MAGI2: variants seen among roughly 807,000 people sequenced by gnomAD.
The protein encoded by MAGI2 is membrane associated guanylate kinase, WW and PDZ domain containing 2.
Under a neutral mutation model 133.3 loss-of-function variants are expected in MAGI2, and 35 were observed. The observed-to-expected ratio is 0.26, with a 90% confidence interval of 0.20 to 0.35. MAGI2 has a LOEUF of 0.35. Ranked by LOEUF, MAGI2 falls within the 10% of genes least tolerant of loss-of-function variation. The pLI, the probability that MAGI2 is intolerant of heterozygous loss-of-function variation, is 1.00. For missense variants in MAGI2, 1,636 were observed against 1,863.4 expected (o/e 0.88, Z 2.25); for synonymous variants, 729 against 710.6 (o/e 1.03, Z -0.41).
chr7:79,010,290 T>C (rs769520089), intron 1 of MAGI2, among the ~76,000 whole-genome samples: 1 of 152,020 alleles, frequency 6.6e-6, no homozygotes, highest in African/African-American at 2.4e-5. Context: ...ATATATAATG[T>C]ATACACATAC....
At chr7:78,324,421 C>T (rs1204293648) in intron 9 of MAGI2, among the ~76,000 whole-genome samples, 3 of 152,166 alleles carry the variant, frequency 2.0e-5, no homozygotes, top group Admixed American at 6.5e-5. Flanking sequence ...GTAGTCAAGA[C>T]AGGTTTGGAT....
At chr7:79,143,131 G>A (rs181106955) in intron 1 of MAGI2, among the ~76,000 whole-genome samples, 16 of 152,214 alleles carry the variant, frequency 1.1e-4, no homozygotes, top group Non-Finnish European at 2.1e-4. Flanking sequence ...AATGTTTGTG[G>A]TAAGTTGTGT....
chr7:79,303,877 T>C (rs1248945798), intron 1 of MAGI2, among the ~76,000 whole-genome samples: 7 of 152,190 alleles, frequency 4.6e-5, no homozygotes, highest in African/African-American at 1.7e-4. Flanking sequence ...ACGTGGTTAA[T>C]GTGTTGCTAG....
chr7:78,834,563 C>T (rs551331212), intron 2 of MAGI2, among the ~76,000 whole-genome samples: 1 of 152,012 alleles, frequency 6.6e-6, no homozygotes, highest in Non-Finnish European at 1.5e-5. Flanking sequence ...TATAAATATA[C>T]CATATTGTAT....
At chr7:79,082,961 G>A (rs186757033) in intron 1 of MAGI2, among the ~76,000 whole-genome samples, 2 of 151,424 alleles carry the variant, frequency 1.3e-5, no homozygotes, top group Non-Finnish European at 3.0e-5. Flanking sequence ...AAATAAAATT[G>A]TTTTAATTTG....
intron 1 of MAGI2, among the ~76,000 whole-genome samples, chr7:79,403,609 TA>T (rs1257660444): frequency 6.6e-6 from 1 of 152,096 alleles, no homozygotes; most frequent in Non-Finnish European, 1.5e-5. Flanking sequence ...TTGTTTCAAA[TA>T]AACATTTTGA....
intron 21 of MAGI2, among the ~76,000 whole-genome samples, chr7:78,033,582 C>T (rs1809846501): frequency 6.6e-6 from 1 of 152,038 alleles, no homozygotes; most frequent in Non-Finnish European, 1.5e-5. Context: ...CTTCAGGGAA[C>T]TCATGGTACT....
chr7:78,236,173 G>A (rs1231127055), intron 10 of MAGI2, among the ~76,000 whole-genome samples: 1 of 151,762 alleles, frequency 6.6e-6, no homozygotes, highest in Non-Finnish European at 1.5e-5. Flanking sequence ...AACTTATCTT[G>A]TTAACTGGAT....
intron 2 of MAGI2, among the ~76,000 whole-genome samples, chr7:78,913,345 G>A (rs1798556688): frequency 6.6e-6 from 1 of 152,074 alleles, no homozygotes; most frequent in African/African-American, 2.4e-5. Flanking sequence ...CTGTTTAAAA[G>A]TGTGTTGCAC....
rs557869739 is a variant in MAGI2 at position 78,053,643 on chromosome 7, G to A, written c.3706+25304C>T. Among the ~76,000 whole-genome samples, 3 of 152,292 alleles carry A rather than the reference G, an allele frequency of 2.0e-5. No homozygotes were observed. In the South Asian group the frequency reaches 6.2e-4, roughly 32 times the overall value. ...CTGAGGTCTCTGGCAGGACCAGATG[G>A]TTTCTGGCTGTCTTTTCCCATTCTC... On this transcript the variant is annotated intron_variant, in intron 21 of 21. Transcript: ENST00000354212.
At chr7:78,590,105 C>G (rs1348003684) in intron 3 of MAGI2, among the ~76,000 whole-genome samples, 1 of 152,160 alleles carries the variant, frequency 6.6e-6, no homozygotes, top group Non-Finnish European at 1.5e-5. Context: ...ATTTTTCTTT[C>G]TTAGGGAGAG....
chr7:78,102,913 T>C (rs1818328163), intron 20 of MAGI2, among the ~76,000 whole-genome samples: 1 of 152,186 alleles, frequency 6.6e-6, no homozygotes, highest in Non-Finnish European at 1.5e-5. Context: ...CCTGCTTCCA[T>C]ACCTACCCGG....
intron 9 of MAGI2, among the ~76,000 whole-genome samples, chr7:78,343,256 T>C (rs932975514): frequency 6.6e-6 from 1 of 152,190 alleles, no homozygotes; most frequent in Non-Finnish European, 1.5e-5. Flanking sequence ...ATCTGAGTAA[T>C]TATATATGAA....
chr7:78,989,793 A>T (rs1440768750), intron 2 of MAGI2, among the ~76,000 whole-genome samples: 1 of 151,930 alleles, frequency 6.6e-6, no homozygotes, highest in Non-Finnish European at 1.5e-5. Flanking sequence ...CAGCCTACCC[A>T]CTATCCTTAG....
chr7:79,440,535 G>C (rs1848430572), intron 1 of MAGI2, among the ~76,000 whole-genome samples: 1 of 151,870 alleles, frequency 6.6e-6, no homozygotes, highest in African/African-American at 2.4e-5. Flanking sequence ...CTATGTAGCT[G>C]GAAAATACAT....
intron 6 of MAGI2, among the ~76,000 whole-genome samples, chr7:78,483,951 A>T (rs1157281400): frequency 6.6e-6 from 1 of 151,970 alleles, no homozygotes. Flanking sequence ...CTTTGCAAAC[A>T]TAATCTTAGC....
At chr7:78,282,527 T>TATC (rs1289281138) in intron 9 of MAGI2, among the ~76,000 whole-genome samples, 1 of 151,932 alleles carries the variant, frequency 6.6e-6, no homozygotes, top group Non-Finnish European at 1.5e-5. Flanking sequence ...GAATATTTAC[T>TATC]ATCTATCTAT....
At chr7:79,280,567 A>G (rs1423183105) in intron 1 of MAGI2, among the ~76,000 whole-genome samples, 1 of 152,114 alleles carries the variant, frequency 6.6e-6, no homozygotes, top group Admixed American at 6.6e-5. Flanking sequence ...GCAGCAATAC[A>G]TTTTTTTAAA....
At chr7:79,208,602 A>C (rs1217613199) in intron 1 of MAGI2, among the ~76,000 whole-genome samples, 2 of 152,048 alleles carry the variant, frequency 1.3e-5, no homozygotes, top group African/African-American at 4.8e-5. Flanking sequence ...TATTATAGCC[A>C]TCATGGAAAA....
Sources: allele counts gnomAD v4.1 joint callset (sites outside exome capture counted in the v4.1 genomes callset), GRCh38; gene constraint gnomAD v4.1.1; transcripts MANE v1.5; gene names NCBI Gene and HGNC (gene_info 2026-07-23, HGNC 2026-07-21).